The following TOP3B variants were observed in gnomAD, a reference collection of about 807,000 sequenced individuals.
TOP3B encodes DNA topoisomerase III beta, also known as DNA topoisomerase 3-beta-1.
TOP3B carries 45 observed loss-of-function variants against 93.9 expected under a neutral mutation model. The ratio of observed to expected loss-of-function variants is 0.48; its 90% CI spans 0.38 to 0.61. The LOEUF is 0.61. Ranked by LOEUF, TOP3B falls within the 20% of genes least tolerant of loss-of-function variation. The pLI, the probability that TOP3B is intolerant of heterozygous loss-of-function variation, is 0.00. For missense variants in TOP3B, 750 were observed against 1,156.1 expected (o/e 0.65, Z 5.09); for synonymous variants, 357 against 472.6 (o/e 0.76, Z 3.17).
intron 17 of TOP3B, 189 bp downstream of exon 17, chr22:21,958,303 A>T: frequency 1.4e-6 from 2 of 1,438,646 alleles, no homozygotes; most frequent in South Asian, 2.9e-5. Flanking sequence ...ACACAGAGAG[A>T]GGGTGGCACC....
chr22:21,964,637 C>T, intron 9 of TOP3B: 1 of 403,332 alleles, frequency 2.5e-6, no homozygotes, highest in African/African-American at 2.0e-5. Context: ...CTTCAGAGCA[C>T]CACTCCCCAT....
chr22:21,964,104 T>A (rs534737498), intron 10 of TOP3B, 57 bp downstream of exon 10: 1 of 1,610,644 alleles, frequency 6.2e-7, no homozygotes, highest in African/African-American at 1.3e-5. Context: ...GTACCAGACC[T>A]GGTCCCAAGG....
rs1358165387 is a variant in TOP3B, at chr22:21,974,496, T to C, written c.71-8A>G. The C allele has an allele frequency of 6.3e-7, 1 of 1,597,806 alleles. No individual in the cohort carries two copies. The highest frequency in any genetic ancestry group is 1.7e-5 in the Admixed American group (1 of 57,862). ...TGTGTGAGGACAGGCTCCCTGGGGA[T>C]GAGGAAGCACAAAGTGACTGGCTGC... On this transcript the variant is annotated splice_region_variant and splice_polypyrimidine_tract_variant and intron_variant, in intron 2 of 17. Transcript: ENST00000357179.
rs1042278829 is a variant in TOP3B at position 21,971,132 on chromosome 22, C to T, written c.385-726G>A. The T allele has an allele frequency of 1.2e-4, 127 of 1,087,200 alleles. No homozygotes were observed. Among genetic ancestry groups the T allele is most frequent in the Middle Eastern group, 2.4e-4 (1 of 4,214 alleles). 67.3% of individuals were successfully genotyped at this position (1,087,200 alleles called of 1,614,324 possible). On this transcript the variant is annotated intron_variant, in intron 5 of 17. Transcript: ENST00000357179. The surrounding 1 kb of genome is among the most constrained non-coding windows in gnomAD (Gnocchi z 4.6). ...GATGCAAAGGCCCCCAGGGAGGAGCCGCCCTGCAGGGGAGGAGAGGGTATC... is the reference window on the plus strand; with the variant it reads ...GATGCAAAGGCCCCCAGGGAGGAGCTGCCCTGCAGGGGAGGAGAGGGTATC...
In TOP3B at chr22:21,960,453, C is replaced by T; in HGVS notation, c.1526-4G>A. 3.1e-6 allele frequency: 5 copies of T among 1,613,268 alleles called. No homozygotes were observed. Among genetic ancestry groups the T allele is most frequent in the Non-Finnish European group, 4.2e-6 (5 of 1,179,944 alleles). ...ACAGGGATGCTGGCATCCGTGCCTG[C>T]AATGTACAAGGCCCCAGGGTTCCTG... On this transcript the variant is annotated splice_polypyrimidine_tract_variant and splice_region_variant and intron_variant, in intron 13 of 17. Coordinates refer to ENST00000357179, the MANE Select transcript of TOP3B (RefSeq NM_001282112.2).
Position 21,971,737 on chromosome 22 carries a change from G to A in TOP3B, c.384+140C>T, listed in dbSNP as rs1366680743. Reference sequence around the variant, plus strand: ...AGTATCTGTGGAGTTTCAGAATAAAGGGAGGGGAGAGGTGTTTTTAAACCG... The same window carrying A: ...AGTATCTGTGGAGTTTCAGAATAAAAGGAGGGGAGAGGTGTTTTTAAACCG... On this transcript the variant is annotated intron_variant, in intron 5 of 17. Transcript: ENST00000357179. The surrounding 1 kb of genome is among the most constrained non-coding windows in gnomAD (Gnocchi z 4.6). 10 of 747,664 alleles carry A rather than the reference G, an allele frequency of 1.3e-5. No individual in the cohort carries two copies. The highest frequency in any genetic ancestry group is 2.4e-5 in the Non-Finnish European group (10 of 417,366). 46.3% of individuals were successfully genotyped at this position (747,664 alleles called of 1,614,324 possible).
intron 16 of TOP3B, 121 bp downstream of exon 16, chr22:21,959,011 T>C: frequency 6.9e-7 from 1 of 1,447,798 alleles, no homozygotes; most frequent in East Asian, 2.4e-5. Flanking sequence ...CAAGGCCTCT[T>C]TATGTTCCAT....
At chr22:21,965,012 G>A (rs1261115701) in intron 9 of TOP3B, 2 of 330,008 alleles carry the variant, frequency 6.1e-6, no homozygotes, top group East Asian at 4.8e-5. Flanking sequence ...TGAGGCTGAG[G>A]GGCGACGTTC....
At position 21,967,595 on chromosome 22, in the gene TOP3B, A is replaced by G. The variant is rs1477278676; in HGVS notation, c.852+8T>C. ...CAACTGTGATAGATGTGGGTGGAGC[A>G]GGCACACCTGGGCTTCCTTCTCCAG... On this transcript the variant is annotated splice_region_variant and intron_variant, in intron 8 of 17. Coordinates refer to ENST00000357179, the MANE Select transcript of TOP3B (RefSeq NM_001282112.2). 6 of 1,612,386 alleles carry G rather than the reference A, an allele frequency of 3.7e-6. No individual in the cohort carries two copies. Among genetic ancestry groups the G allele is most frequent in the Non-Finnish European group, 4.2e-6 (5 of 1,178,520 alleles).
At chr22:21,965,204 G>C (rs964997228) in intron 9 of TOP3B, 81 bp downstream of exon 9, 28 of 998,750 alleles carry the variant, frequency 2.8e-5, no homozygotes, top group Non-Finnish European at 4.0e-5. Context: ...GCACCATCCT[G>C]CAACCCTGGG....
Position 21,960,381 on chromosome 22 carries a change from C to T in TOP3B, c.1594G>A (p.Gly532Arg), listed in dbSNP as rs139257971. The T allele has an allele frequency of 1.0e-4, 168 of 1,613,566 alleles. No homozygotes were observed. Among genetic ancestry groups the T allele is most frequent in the Middle Eastern group, 1.6e-4 (1 of 6,082 alleles). Residue 532 changes from glycine (G) to arginine (R), a missense_variant, in exon 14 of 18, where the codon GGG (glycine) becomes AGG (arginine). Coordinates refer to ENST00000357179, the MANE Select transcript of TOP3B (RefSeq NM_001282112.2). ...AGGTTGGTGGGCTTGAGCCGGCGCCCGCTCTCCACCGTGACATAGTTGCGC... is the reference window on the plus strand; with the variant it reads ...AGGTTGGTGGGCTTGAGCCGGCGCCTGCTCTCCACCGTGACATAGTTGCGC... ...CQRNYVTVESGRRLKPTNLGI... is the reference protein window; with the variant it reads ...CQRNYVTVESRRRLKPTNLGI...
At chr22:21,974,750 G>C in intron 2 of TOP3B, 2 of 327,462 alleles carry the variant, frequency 6.1e-6, no homozygotes, top group Non-Finnish European at 5.6e-6. Flanking sequence ...AGCAGGCAGG[G>C]GTGGGCTCTT....
In TOP3B at chr22:21,970,123, G is replaced by C. The variant is rs2071573833; in HGVS notation, c.581+87C>G. On this transcript the variant is annotated intron_variant, in intron 6 of 17. Coordinates refer to ENST00000357179, the MANE Select transcript of TOP3B (RefSeq NM_001282112.2). The surrounding 1 kb of genome is among the most constrained non-coding windows in gnomAD (Gnocchi z 4.4). ...GCTCATCCTGGCTCGAGGAGGCCTA[G>C]GGGCCCCGGAGGGGGACCAGTAGAG... 4 of 1,512,912 alleles carry C rather than the reference G, an allele frequency of 2.6e-6. No homozygotes were observed. The highest frequency in any genetic ancestry group is 2.7e-6 in the Non-Finnish European group (3 of 1,121,404). The allele number at this position is 1,512,912 out of a possible 1,614,324, so 93.7% of individuals were successfully genotyped here.
At chr22:21,980,661 G>A (rs981223908) in intron 1 of TOP3B, among the ~76,000 whole-genome samples, 2 of 152,232 alleles carry the variant, frequency 1.3e-5, no homozygotes, top group Admixed American at 6.5e-5. Context: ...CTGCAGATGA[G>A]CTCTCTGGCC....
chr22:21,978,825 G>A (rs539335071), intron 1 of TOP3B, among the ~76,000 whole-genome samples: 2 of 152,322 alleles, frequency 1.3e-5, no homozygotes, highest in African/African-American at 2.4e-5. Context: ...GAGAAGGCTG[G>A]TGCACTGTCC....
chr22:21,958,826 T>A (rs180981892), intron 16 of TOP3B, 133 bp from the exon 17 acceptor site: 9 of 1,374,366 alleles, frequency 6.5e-6, no homozygotes, highest in Non-Finnish European at 8.6e-6. Context: ...GCAAGGAGCA[T>A]GAGTCTCTGG....
intron 15 of TOP3B, 35 bp downstream of exon 15, chr22:21,959,549 ACCC>A: frequency 6.4e-7 from 1 of 1,566,328 alleles, no homozygotes; most frequent in South Asian, 1.2e-5. Flanking sequence ...ACAGAGAGAC[ACCC>A]CTCTGGTGAG....
chr22:21,964,149 G>A lies in TOP3B; in HGVS notation c.1098+12C>T, dbSNP rs763726876. On this transcript the variant is annotated intron_variant, in intron 10 of 17. Transcript: ENST00000357179. The stretch of plus-strand genomic sequence containing the variant: ...CACACACACATGCTGAGGCCGGCCC[G>A]GCTCCACTCACCGTGTCGGCCCAGT... 6.2e-5 allele frequency: 100 copies of A among 1,613,712 alleles called. 2 individuals are homozygous for A. In the South Asian group the frequency reaches 8.9e-4, roughly 14 times the overall value.
chr22:21,974,405 A>G lies in TOP3B; in HGVS notation c.154T>C (p.Phe52Leu). 6.2e-7 allele frequency: 1 copy of G among 1,614,194 alleles called. No individual in the cohort carries two copies. The highest frequency in any genetic ancestry group is 8.5e-7 in the Non-Finnish European group (1 of 1,180,016). Reference protein sequence around the residue: ...TGTFAGQPVRFKMTSVCGHVM... With the variant: ...TGTFAGQPVRLKMTSVCGHVM... ...TGACCACAGACAGACGTCATCTTGA[A>G]GCGCACTGGCTGGCCAGCAAAGGTC... The change falls in exon 3 of 18, where the codon TTC becomes CTC. Residue 52 changes from phenylalanine to leucine, a missense_variant. Coordinates refer to ENST00000357179, the MANE Select transcript of TOP3B (RefSeq NM_001282112.2).
Sources: allele counts gnomAD v4.1 joint callset (sites outside exome capture counted in the v4.1 genomes callset), GRCh38; gene constraint gnomAD v4.1.1; non-coding constraint Gnocchi (gnomAD v3.1); transcripts MANE v1.5; gene names NCBI Gene and HGNC (gene_info 2026-07-23, HGNC 2026-07-21).